Variants in SLC6A6 observed in about 807,000 individuals in gnomAD.
SLC6A6 encodes the protein sodium- and chloride-dependent taurine transporter.
In SLC6A6, 16 loss-of-function variants were observed where a neutral mutation model predicts 68.8. The ratio of observed to expected loss-of-function variants is 0.23; its 90% confidence interval spans 0.16 to 0.35. SLC6A6 has a LOEUF of 0.35. SLC6A6 is among the 10% of genes least tolerant of loss of function. SLC6A6 has a pLI of 1.00. For synonymous variants in SLC6A6, 312 were observed against 315.4 expected (o/e 0.99, Z 0.12); for missense variants, 474 against 802.8 (o/e 0.59, Z 4.95).
At chr3:14,426,121 TC>T (rs1454384918) in intron 2 of SLC6A6, among the ~76,000 whole-genome samples, 1 of 152,150 alleles carries the variant, frequency 6.6e-6, no homozygotes, top group African/African-American at 2.4e-5. Flanking sequence ...GAAAAATAAT[TC>T]CCCTGCCTCC....
intron 1 of SLC6A6, among the ~76,000 whole-genome samples, chr3:14,409,238 G>A (rs993553851): frequency 1.3e-5 from 2 of 152,224 alleles, no homozygotes; most frequent in African/African-American, 4.8e-5. Flanking sequence ...CAAACAGCCA[G>A]CCTGCATTTG....
At chr3:14,416,550 C>G (rs1219213337) in intron 2 of SLC6A6, 97 bp downstream of exon 2, 1 of 397,886 alleles carries the variant, frequency 2.5e-6, no homozygotes, top group Non-Finnish European at 4.4e-6. Context: ...CCCCCAGGCT[C>G]TAGGAGGACA....
intron 2 of SLC6A6, among the ~76,000 whole-genome samples, chr3:14,419,423 TGTTA>T (rs2124909252): frequency 6.6e-6 from 1 of 152,260 alleles, no homozygotes; most frequent in East Asian, 1.9e-4. Context: ...TGGGAATGTG[TGTTA>T]GTTGTTCAGC....
intron 6 of SLC6A6, among the ~76,000 whole-genome samples, chr3:14,464,664 G>A (rs574059601): frequency 5.9e-5 from 9 of 152,298 alleles, no homozygotes; most frequent in Admixed American, 1.3e-4. Flanking sequence ...TGAGGTTTGG[G>A]GCTCTGTCAC....
intron 1 of SLC6A6, among the ~76,000 whole-genome samples, chr3:14,410,491 G>C (rs568132785): frequency 6.6e-6 from 1 of 152,206 alleles, no homozygotes; most frequent in Non-Finnish European, 1.5e-5. Context: ...AAGAAGGAGC[G>C]TGGTGAGCAG....
chr3:14,448,202 C>A, intron 5 of SLC6A6: 1 of 531,646 alleles, frequency 1.9e-6, no homozygotes, highest in Non-Finnish European at 2.5e-6. Context: ...ATATATGAAG[C>A]TGAAGTAGTT....
chr3:14,416,352 GCA>G, intron 1 of SLC6A6, 58 bp from the exon 2 acceptor site: 1 of 398,632 alleles, frequency 2.5e-6, no homozygotes, highest in Non-Finnish European at 4.4e-6. Flanking sequence ...GGGGCCCTGT[GCA>G]CAGTCTGCCT....
intron 1 of SLC6A6, among the ~76,000 whole-genome samples, chr3:14,404,559 G>C (rs1046776049): frequency 6.6e-6 from 1 of 152,236 alleles, no homozygotes; most frequent in African/African-American, 2.4e-5. Context: ...CCAGGGACCA[G>C]AGGTAGGAGC....
chr3:14,437,690 A>G (rs1381228713), intron 2 of SLC6A6, among the ~76,000 whole-genome samples: 1 of 152,236 alleles, frequency 6.6e-6, no homozygotes, highest in African/African-American at 2.4e-5. Context: ...GCATGACACC[A>G]TGACATACAT....
At chr3:14,437,208 G>A (rs1464001954) in intron 2 of SLC6A6, among the ~76,000 whole-genome samples, 2 of 152,138 alleles carry the variant, frequency 1.3e-5, no homozygotes, top group African/African-American at 2.4e-5. Context: ...TTCTGCTTGT[G>A]TATATGGTCA....
chr3:14,443,598 G>GGATGCT (rs758395568), intron 2 of SLC6A6, 26 bp from the exon 3 acceptor site: 5 of 1,467,204 alleles, frequency 3.4e-6, no homozygotes, highest in Non-Finnish European at 3.8e-6. Flanking sequence ...ATCAGCTGCA[G>GGATGCT]GATGCTTCTC....
At chr3:14,416,829 G>A (rs1441699230) in intron 2 of SLC6A6, among the ~76,000 whole-genome samples, 1 of 152,200 alleles carries the variant, frequency 6.6e-6, no homozygotes, top group Non-Finnish European at 1.5e-5. Flanking sequence ...TCTGAGCTTG[G>A]CTCTGTCTCT....
intron 1 of SLC6A6, among the ~76,000 whole-genome samples, chr3:14,405,378 G>T (rs1184678462): frequency 6.6e-6 from 1 of 152,170 alleles, no homozygotes; most frequent in Non-Finnish European, 1.5e-5. Flanking sequence ...AAAGGATTTG[G>T]GAGGTGTACT....
intron 6 of SLC6A6, among the ~76,000 whole-genome samples, chr3:14,462,174 A>G (rs1233961510): frequency 6.6e-6 from 1 of 152,212 alleles, no homozygotes; most frequent in Non-Finnish European, 1.5e-5. Flanking sequence ...GGAGCCACAG[A>G]AAAGTTGAAA....
At position 14,477,330 on chromosome 3, in the gene SLC6A6, G is replaced by A. The variant is rs1480425493; in HGVS notation, c.1335G>A (p.Thr445=). The A allele has an allele frequency of 3.7e-6, 6 of 1,614,088 alleles. No individual in the cohort carries two copies. Among genetic ancestry groups the A allele is most frequent in the Middle Eastern group, 1.6e-4 (1 of 6,062 alleles). ...VCSISYLLGL[T]MVTEGGMYVF... ...GCATCAGCTACCTGCTGGGGCTGAC[G>A]ATGGTGACGGAGGTAGGTGGCTCTC... The change falls in exon 11 of 15, where the codon ACG becomes ACA. Residue 445 remains threonine, a synonymous_variant. Coordinates refer to ENST00000622186, the MANE Select transcript of SLC6A6 (RefSeq NM_003043.6). This position sits in a 1 kb window ranked among gnomAD's most constrained non-coding sequence, Gnocchi z 4.2.
chr3:14,419,980 G>A (rs1699451294), intron 2 of SLC6A6, among the ~76,000 whole-genome samples: 2 of 152,178 alleles, frequency 1.3e-5, no homozygotes. Context: ...GTAAACTGGT[G>A]CATATAGGAG....
chr3:14,405,496 A>G (rs146336204), intron 1 of SLC6A6, among the ~76,000 whole-genome samples: 1 of 152,354 alleles, frequency 6.6e-6, no homozygotes, highest in East Asian at 1.9e-4. Context: ...GGCTCCCCAG[A>G]ATGCAGCTTA....
chr3:14,417,280 T>A (rs1699381895), intron 2 of SLC6A6, among the ~76,000 whole-genome samples: 1 of 152,244 alleles, frequency 6.6e-6, no homozygotes, highest in Non-Finnish European at 1.5e-5. Context: ...TCGTTGAGAT[T>A]TTCCCATGGG....
At position 14,458,100 on chromosome 3, in the gene SLC6A6, C is replaced by A. The variant is rs1700411686; in HGVS notation, c.732+18C>A. On this transcript the variant is annotated intron_variant, in intron 6 of 14. Coordinates refer to ENST00000622186, the MANE Select transcript of SLC6A6 (RefSeq NM_003043.6). ...CTGGGAAGGTAAGTTGGACTTCTGT[C>A]CGTCCCCTGCCTCCTGGAGAGCTGT... The A allele has an allele frequency of 6.2e-7, 1 of 1,611,200 alleles. No homozygotes were observed. The highest frequency in any genetic ancestry group is 1.7e-5 in the Admixed American group (1 of 60,004).
Sources: gnomAD v4.1 joint callset for allele counts (sites outside exome capture counted in the v4.1 genomes callset) on GRCh38, gnomAD v4.1.1 for gene constraint, Gnocchi (gnomAD v3.1) non-coding constraint, MANE v1.5 for transcripts, NCBI Gene and HGNC (gene_info 2026-07-23, HGNC 2026-07-21) for gene names.